The following ATRNL1 variants were observed in gnomAD, a reference collection of about 807,000 sequenced individuals.
The protein encoded by ATRNL1 is attractin like 1.
ATRNL1 carries 95 observed loss-of-function variants against 182.7 expected under a neutral mutation model. That is an observed-to-expected ratio of 0.52 (90% CI 0.44 to 0.62). The LOEUF (loss-of-function observed/expected upper bound fraction) is 0.62, where lower values mean the gene tolerates loss of function less well. ATRNL1 is among the 20% of genes least tolerant of loss of function. ATRNL1 has a pLI of 0.00. For synonymous variants in ATRNL1, 576 were observed against 568.3 expected, an observed-to-expected ratio of 1.01 and a Z score of -0.19; for missense variants, 1,471 against 1,679.5, an observed-to-expected ratio of 0.88 and a Z score of 2.17.
At chr10:115,778,300 C>T (rs1949177692) in intron 27 of ATRNL1, among the ~76,000 whole-genome samples, 2 of 151,490 alleles carry the variant, frequency 1.3e-5, no homozygotes, top group Admixed American at 1.3e-4. Flanking sequence ...CCAGGCTAGT[C>T]GAAGCTTATG....
intron 28 of ATRNL1, among the ~76,000 whole-genome samples, chr10:115,912,040 T>A (rs1055455776): frequency 6.6e-6 from 1 of 152,190 alleles, no homozygotes; most frequent in Non-Finnish European, 1.5e-5. Context: ...GGCTTGTGAC[T>A]TAAACAGTTT....
At chr10:115,847,845 T>A in intron 27 of ATRNL1, 32 bp from the exon 28 acceptor site, 1 of 1,224,312 alleles carries the variant, frequency 8.2e-7, no homozygotes, top group Non-Finnish European at 1.2e-6. Context: ...CTATGTCAAT[T>A]TTGCAAACTT....
intron 19 of ATRNL1, among the ~76,000 whole-genome samples, chr10:115,358,147 A>T (rs1856584427): frequency 1.3e-5 from 2 of 151,694 alleles, no homozygotes; most frequent in South Asian, 4.1e-4. Context: ...TTCTCATTAA[A>T]TATTTGTTGA....
chr10:115,502,939 T>C (rs1554980439), intron 24 of ATRNL1, among the ~76,000 whole-genome samples: 1 of 152,158 alleles, frequency 6.6e-6, no homozygotes, highest in African/African-American at 2.4e-5. Context: ...TCCTCTGCGA[T>C]AGTTTTTGGG....
chr10:115,871,469 T>TATATATATATA (rs1951579875), intron 28 of ATRNL1, among the ~76,000 whole-genome samples: 18 of 140,318 alleles, frequency 1.3e-4, no homozygotes, highest in African/African-American at 4.5e-4. Context: ...GTCAGATTCT[T>TATATATATATA]TGTGTGTGTG....
At position 115,856,428 on chromosome 10, in the gene ATRNL1, CAA is replaced by C. The variant is rs572743389; in HGVS notation, c.4018+8458_4018+8459del. ...GGGCAACAAGAGCGAAGCTCCATCT[CAA>C]AAAAAAAAAAAAAAAAAAAAGCCAT... On this transcript the variant is annotated intron_variant, in intron 28 of 28. Transcript: ENST00000355044. 4.4e-3 allele frequency among the ~76,000 whole-genome samples: 100 copies of C among 22,534 alleles called. 4 individuals are homozygous for C. Among genetic ancestry groups the C allele is most frequent in the East Asian group, 0.041 (26 of 636 alleles). 14.8% of individuals were successfully genotyped at this position (22,534 alleles called of 152,430 possible).
intron 25 of ATRNL1, among the ~76,000 whole-genome samples, chr10:115,522,991 C>T (rs576963674): frequency 2.0e-5 from 3 of 152,326 alleles, no homozygotes; most frequent in Middle Eastern, 3.4e-3. Flanking sequence ...GTACTCTCTT[C>T]AGGGCCTCCA....
chr10:115,823,106 G>C (rs1293261046), intron 27 of ATRNL1, among the ~76,000 whole-genome samples: 1 of 152,164 alleles, frequency 6.6e-6, no homozygotes, highest in Non-Finnish European at 1.5e-5. Flanking sequence ...CTTTATCCCT[G>C]GGCTGCAAGT....
At chr10:115,467,667 A>G (rs763538573) in intron 23 of ATRNL1, among the ~76,000 whole-genome samples, 24 of 150,768 alleles carry the variant, frequency 1.6e-4, no homozygotes, top group Admixed American at 6.0e-4. Context: ...TACAGTAAAC[A>G]TCTATTATTG....
At chr10:115,101,022 G>A (rs1231700311) in intron 1 of ATRNL1, among the ~76,000 whole-genome samples, 3 of 151,986 alleles carry the variant, frequency 2.0e-5, no homozygotes, top group African/African-American at 7.2e-5. Context: ...ACTTTTGATT[G>A]TTGCTATTAT....
rs372146879 is a variant in ATRNL1, at chr10:115,946,930, C to T, written c.*2151C>T. The T allele has an allele frequency of 7.9e-5, 12 of 152,230 alleles. No homozygotes were observed. Among genetic ancestry groups the T allele is most frequent in the African/African-American group, 2.7e-4 (11 of 41,426 alleles). 9.4% of individuals were successfully genotyped at this position (152,230 alleles called of 1,614,324 possible). The stretch of plus-strand genomic sequence containing the variant: ...AAGCTATATTTTTAGGGAGGCTAAG[C>T]AGATAGTATTACTGTGGAAGAATTA... On this transcript the variant is annotated 3_prime_UTR_variant, in exon 29 of 29. Coordinates refer to ENST00000355044, the MANE Select transcript of ATRNL1 (RefSeq NM_207303.4).
intron 27 of ATRNL1, among the ~76,000 whole-genome samples, chr10:115,740,465 T>C (rs1948102731): frequency 6.6e-6 from 1 of 151,478 alleles, no homozygotes; most frequent in Non-Finnish European, 1.5e-5. Flanking sequence ...AGGCCAGAAG[T>C]TCCAGGCCAG....
intron 19 of ATRNL1, among the ~76,000 whole-genome samples, chr10:115,344,735 C>T (rs1855902382): frequency 6.6e-6 from 1 of 152,224 alleles, no homozygotes; most frequent in Admixed American, 6.5e-5. Context: ...TGGTAATGTG[C>T]TGTGTTTCAC....
intron 10 of ATRNL1, among the ~76,000 whole-genome samples, chr10:115,252,273 C>T (rs543459642): frequency 6.6e-5 from 10 of 152,236 alleles, no homozygotes; most frequent in African/African-American, 9.6e-5. Context: ...GTGATCTGCC[C>T]GCCTCGACCT....
At chr10:115,759,942 T>G (rs1948693614) in intron 27 of ATRNL1, among the ~76,000 whole-genome samples, 2 of 149,778 alleles carry the variant, frequency 1.3e-5, no homozygotes, top group African/African-American at 2.5e-5. Context: ...TCTGCCCACT[T>G]CAGCCTCCCA....
intron 27 of ATRNL1, among the ~76,000 whole-genome samples, chr10:115,739,483 T>C (rs1246218033): frequency 6.6e-6 from 1 of 152,184 alleles, no homozygotes; most frequent in Non-Finnish European, 1.5e-5. Context: ...ACATATTGAA[T>C]CCACCAAAAA....
intron 26 of ATRNL1, among the ~76,000 whole-genome samples, chr10:115,692,847 A>G (rs1946435616): frequency 6.6e-6 from 1 of 152,242 alleles, no homozygotes; most frequent in Admixed American, 6.5e-5. Context: ...TGTTCAATGT[A>G]TATGTGATGC....
chr10:115,924,808 A>G (rs572659707), intron 28 of ATRNL1, among the ~76,000 whole-genome samples: 1 of 152,260 alleles, frequency 6.6e-6, no homozygotes, highest in East Asian at 1.9e-4. Flanking sequence ...GTTTGATGGA[A>G]TAGCGTTGGA....
At chr10:115,813,895 C>T (rs1555087754) in intron 27 of ATRNL1, among the ~76,000 whole-genome samples, 2 of 152,086 alleles carry the variant, frequency 1.3e-5, no homozygotes, top group Non-Finnish European at 2.9e-5. Flanking sequence ...ATTCATAGAT[C>T]ATCTTGTACC....
Sources: allele counts gnomAD v4.1 joint callset (sites outside exome capture counted in the v4.1 genomes callset), GRCh38; gene constraint gnomAD v4.1.1; transcripts MANE v1.5; gene names NCBI Gene and HGNC (gene_info 2026-07-23, HGNC 2026-07-21).